Variants in RBM19 observed in about 807,000 individuals in gnomAD.
The protein encoded by RBM19 is RNA binding motif protein 19, also known as probable RNA-binding protein 19.
A neutral mutation model predicts 116.8 loss-of-function variants in RBM19; 94 were observed. The observed-to-expected ratio is 0.80, with a 90% CI of 0.68 to 0.95. RBM19 has a LOEUF of 0.95. RBM19 is among the 40% of genes least tolerant of loss of function. RBM19 has a pLI of 0.00. For synonymous variants in RBM19, 475 were observed against 494.1 expected (o/e 0.96, Z 0.51); for missense variants, 1,161 against 1,220.7 (o/e 0.95, Z 0.73).
chr12:113,837,729 T>C (rs2135706794), intron 23 of RBM19, among the ~76,000 whole-genome samples: 1 of 152,374 alleles, frequency 6.6e-6, no homozygotes, highest in East Asian at 1.9e-4. Flanking sequence ...CCTGGCTCTG[T>C]GGTCAGTAGC....
At chr12:113,883,933 CAGAAAT>C (rs1172753668) in intron 21 of RBM19, among the ~76,000 whole-genome samples, 1 of 152,032 alleles carries the variant, frequency 6.6e-6, no homozygotes, top group Non-Finnish European at 1.5e-5. Context: ...AATACAGATA[CAGAAAT>C]AGAAATAGAG....
At chr12:113,950,575 G>A (rs982409029) in intron 8 of RBM19, among the ~76,000 whole-genome samples, 51 of 152,074 alleles carry the variant, frequency 3.4e-4, no homozygotes, top group African/African-American at 1.2e-3. Context: ...GCCTTGACTT[G>A]CACAAAAAAA....
At chr12:113,933,465 G>A (rs889908049) in intron 16 of RBM19, among the ~76,000 whole-genome samples, 4 of 152,334 alleles carry the variant, frequency 2.6e-5, no homozygotes, top group South Asian at 2.1e-4. Flanking sequence ...GGAATTCACC[G>A]ATGACGCGGG....
Position 113,953,174 on chromosome 12 carries a change from T to C in RBM19, c.922-584A>G, listed in dbSNP as rs1489819217. Among the ~76,000 whole-genome samples the C allele has an allele frequency of 2.0e-5, 3 of 152,316 alleles. No individual in the cohort carries two copies. The South Asian group carries it at 6.2e-4, about 32-fold the overall frequency. The stretch of plus-strand genomic sequence containing the variant: ...TCAAGAGAAAAAAGGGCAAAAGACA[T>C]GATCGGGCACTTTCCAAAAGAGAAG... On this transcript the variant is annotated intron_variant, in intron 7 of 23. Transcript: ENST00000261741.
chr12:113,867,343 T>C (rs1192588065), intron 21 of RBM19, among the ~76,000 whole-genome samples: 1 of 152,234 alleles, frequency 6.6e-6, no homozygotes, highest in East Asian at 1.9e-4. Context: ...ATTCAGATAC[T>C]ATGGATCCTG....
At chr12:113,852,892 C>T (rs1409183813) in intron 22 of RBM19, among the ~76,000 whole-genome samples, 2 of 152,228 alleles carry the variant, frequency 1.3e-5, no homozygotes, top group East Asian at 1.9e-4. Flanking sequence ...GTTGAACGCA[C>T]GCCACTGACA....
chr12:113,847,575 T>C (rs1877103041), intron 22 of RBM19, among the ~76,000 whole-genome samples: 1 of 151,786 alleles, frequency 6.6e-6, no homozygotes, highest in Admixed American at 6.6e-5. Context: ...GGATGTTCCA[T>C]CCTCGTGCCA....
chr12:113,958,804 C>G (rs1436919952), intron 5 of RBM19, among the ~76,000 whole-genome samples: 2 of 148,440 alleles, frequency 1.3e-5, no homozygotes, highest in African/African-American at 5.2e-5. Context: ...TCAGGGAGGC[C>G]TTCCCTCATA....
At chr12:113,954,022 C>T (rs1871693100) in intron 7 of RBM19, among the ~76,000 whole-genome samples, 1 of 152,198 alleles carries the variant, frequency 6.6e-6, no homozygotes, top group African/African-American at 2.4e-5. Flanking sequence ...ACTCCCACGT[C>T]CCAATTTAGG....
At chr12:113,961,011 G>A (rs1316882859) in intron 2 of RBM19, among the ~76,000 whole-genome samples, 1 of 152,168 alleles carries the variant, frequency 6.6e-6, no homozygotes, top group African/African-American at 2.4e-5. Context: ...CTGGGGGAAG[G>A]AGCTGCCATC....
chr12:113,927,024 C>T, intron 17 of RBM19, 30 bp downstream of exon 17: 1 of 1,599,008 alleles, frequency 6.3e-7, no homozygotes, highest in Non-Finnish European at 8.5e-7. Context: ...CATCCCACGC[C>T]CCTCCCTCCT....
At chr12:113,906,650 G>A (rs1449940050) in intron 21 of RBM19, among the ~76,000 whole-genome samples, 3 of 151,938 alleles carry the variant, frequency 2.0e-5, no homozygotes, top group Non-Finnish European at 2.9e-5. Flanking sequence ...CTGCCTCGTC[G>A]GGGCTCGGCA....
chr12:113,828,511 A>G (rs1177738814), intron 23 of RBM19, among the ~76,000 whole-genome samples: 48 of 134,106 alleles, frequency 3.6e-4, no homozygotes, highest in Admixed American at 3.5e-3. Flanking sequence ...GGTGAAGGGC[A>G]GGGGGCGGGG....
At chr12:113,922,659 A>C (rs1868691037) in intron 18 of RBM19, among the ~76,000 whole-genome samples, 1 of 150,830 alleles carries the variant, frequency 6.6e-6, no homozygotes, top group Admixed American at 6.6e-5. Context: ...GGTCCTTCTC[A>C]TAATTAACTT....
At chr12:113,833,868 CGA>C (rs1401648270) in intron 23 of RBM19, among the ~76,000 whole-genome samples, 1 of 152,112 alleles carries the variant, frequency 6.6e-6, no homozygotes, top group Non-Finnish European at 1.5e-5. Context: ...CTCAGCCTCC[CGA>C]GTAGCTGGGA....
intron 21 of RBM19, among the ~76,000 whole-genome samples, chr12:113,875,571 C>T (rs1265297309): frequency 6.6e-6 from 1 of 152,262 alleles, no homozygotes; most frequent in Non-Finnish European, 1.5e-5. Context: ...GTCGGGACAG[C>T]CCTTGGACAT....
intron 6 of RBM19, among the ~76,000 whole-genome samples, chr12:113,955,518 C>CA (rs74734506): frequency 0.16 from 24,630 of 152,038 alleles, 2,715 homozygotes; most frequent in African/African-American, 0.32. Context: ...CCCTGAAGAA[C>CA]GGGGTGTCAG....
intron 23 of RBM19, among the ~76,000 whole-genome samples, chr12:113,835,492 G>A (rs540904088): frequency 1.1e-4 from 17 of 152,306 alleles, no homozygotes; most frequent in East Asian, 9.7e-4. Context: ...GAGAGGTGTG[G>A]GGGAAAAGCT....
intron 20 of RBM19, among the ~76,000 whole-genome samples, chr12:113,916,452 T>G (rs1882780707): frequency 6.6e-6 from 1 of 152,182 alleles, no homozygotes; most frequent in Non-Finnish European, 1.5e-5. Flanking sequence ...CCTCGGTTGC[T>G]GGGGTATCAG....
Sources: gnomAD v4.1 joint callset for allele counts (sites outside exome capture counted in the v4.1 genomes callset) on GRCh38, gnomAD v4.1.1 for gene constraint, MANE v1.5 for transcripts, NCBI Gene and HGNC (gene_info 2026-07-23, HGNC 2026-07-21) for gene names.